The following SCAF1 variants were observed in gnomAD, a reference collection of about 807,000 sequenced individuals.
SCAF1 encodes SR-related CTD associated factor 1.
In SCAF1, 28 loss-of-function variants were observed where a neutral mutation model predicts 91.2. The ratio of observed to expected loss-of-function variants is 0.31; its 90% confidence interval spans 0.23 to 0.42. SCAF1 has a LOEUF of 0.42. Among genes scored for constraint, SCAF1 ranks in the 10% least tolerant of loss-of-function variants. SCAF1 has a pLI of 1.00. For synonymous variants in SCAF1, 1,036 were observed against 833.7 expected (o/e 1.24, Z -4.18); for missense variants, 1,893 against 1,872.1 (o/e 1.01, Z -0.21).
rs1283719149 is a variant in SCAF1, at chr19:49,650,760, C to G, written c.479-108C>G. ...GGCTCCTGTGAAGCACTTGGGGCTT[C>G]CTGGGCAGGACCTGGTGGCCCAGGG... On this transcript the variant is annotated intron_variant, in intron 6 of 10. Coordinates refer to ENST00000360565, the MANE Select transcript of SCAF1 (RefSeq NM_021228.3). 4 of 810,662 alleles carry G rather than the reference C, an allele frequency of 4.9e-6. No homozygotes were observed. In the East Asian group the frequency reaches 1.1e-4, roughly 22 times the overall value. The allele number at this position is 810,662 out of a possible 1,614,324, so 50.2% of individuals were successfully genotyped here. A position where few individuals can be genotyped will look rare whatever the true frequency, so the allele number is the denominator to read the frequency against.
At position 49,645,231 on chromosome 19, in the gene SCAF1, C is replaced by G; in HGVS notation, c.108+97C>G. 6.7e-7 allele frequency: 1 copy of G among 1,491,104 alleles called. No individual in the cohort carries two copies. The highest frequency in any genetic ancestry group is 9.3e-7 in the Non-Finnish European group (1 of 1,072,114). 92.4% of individuals were successfully genotyped at this position (1,491,104 alleles called of 1,614,324 possible). ...GGGCCTGAGGCAGGGGCGCTGGACT[C>G]TTGGCTCCCTTGAAGCACTTGAGTC... On this transcript the variant is annotated intron_variant, in intron 2 of 10. Coordinates refer to ENST00000360565, the MANE Select transcript of SCAF1 (RefSeq NM_021228.3). The surrounding 1 kb of genome is among the most constrained non-coding windows in gnomAD (Gnocchi z 4.6).
chr19:49,645,483 A>G lies in SCAF1; in HGVS notation c.166+72A>G. The stretch of plus-strand genomic sequence containing the variant: ...TCTTTATCCTAATGTCATTCATACA[A>G]GCTTTTCTGAAGCCTCCTGGGTGCC... On this transcript the variant is annotated intron_variant, in intron 3 of 10. Coordinates refer to ENST00000360565, the MANE Select transcript of SCAF1 (RefSeq NM_021228.3). This position sits in a 1 kb window ranked among gnomAD's most constrained non-coding sequence, Gnocchi z 4.6. The G allele has an allele frequency of 1.3e-6, 2 of 1,513,754 alleles. No individual in the cohort carries two copies. Among genetic ancestry groups the G allele is most frequent in the Non-Finnish European group, 1.8e-6 (2 of 1,109,060 alleles). 93.8% of individuals were successfully genotyped at this position (1,513,754 alleles called of 1,614,324 possible). A position where few individuals can be genotyped will look rare whatever the true frequency, so the allele number is the denominator to read the frequency against.
At position 49,642,925 on chromosome 19, in the gene SCAF1, A is replaced by T. The variant is rs1234768364; in HGVS notation, c.-7+683A>T. ...GTCTCCAAGGTATGGGTAGTGTCTAATAATGGGTGACAGGAGGCTGGGGGC... is the reference window on the plus strand; with the variant it reads ...GTCTCCAAGGTATGGGTAGTGTCTATTAATGGGTGACAGGAGGCTGGGGGC... On this transcript the variant is annotated intron_variant, in intron 1 of 10. Coordinates refer to ENST00000360565, the MANE Select transcript of SCAF1 (RefSeq NM_021228.3). This position sits in a 1 kb window ranked among gnomAD's most constrained non-coding sequence, Gnocchi z 4.0. Among the ~76,000 whole-genome samples, 1 of 152,228 alleles carries T rather than the reference A, an allele frequency of 6.6e-6. No homozygotes were observed. Among genetic ancestry groups the T allele is most frequent in the African/African-American group, 2.4e-5 (1 of 41,454 alleles).
chr19:49,651,815 C>T lies in SCAF1; in HGVS notation c.1426C>T (p.Arg476Cys), dbSNP rs1323219707. 12 of 1,257,464 alleles carry T rather than the reference C, an allele frequency of 9.5e-6. No homozygotes were observed. Among genetic ancestry groups the T allele is most frequent in the African/African-American group, 6.5e-5 (4 of 61,606 alleles). The allele number at this position is 1,257,464 out of a possible 1,614,324, so 77.9% of individuals were successfully genotyped here. A position where few individuals can be genotyped will look rare whatever the true frequency, so the allele number is the denominator to read the frequency against. The change falls in exon 7 of 11, where the codon CGC (arginine) becomes TGC (cysteine). Residue 476 changes from arginine (R) to cysteine (C), a missense_variant. Physicochemically the swap from Arg to Cys is radical, Grantham distance 180. Transcript: ENST00000360565. ...TCCCGCGCCGCCCGCCGCCGACTCG[C>T]GCTGGGGCGGCCTGGACCTGCGCCG... ...PAPAPPAADS[R>C]WGGLDLRRKI...
chr19:49,648,581 A>C (rs1243048202), intron 6 of SCAF1, among the ~76,000 whole-genome samples: 1 of 132,378 alleles, frequency 7.6e-6, no homozygotes, highest in Non-Finnish European at 1.6e-5. Flanking sequence ...TTTTTTTTTA[A>C]CAGCTGGAAA....
In SCAF1 at chr19:49,658,351, A is replaced by G. The variant is rs2081160399; in HGVS notation, c.3891A>G (p.Pro1297=). ...PPGPPRPPKE[P]GPPDKGGPGL... ...GGCCCCCACGGCCGCCCAAGGAGCC[A>G]GGGCCCCCAGACAAGGGTGGCCCGG... Residue 1297 remains proline, a synonymous_variant, in exon 11 of 11, where the codon CCA becomes CCG. Coordinates refer to ENST00000360565, the MANE Select transcript of SCAF1 (RefSeq NM_021228.3). 1 of 1,570,054 alleles carries G rather than the reference A, an allele frequency of 6.4e-7. No homozygotes were observed. Among genetic ancestry groups the G allele is most frequent in the African/African-American group, 1.4e-5 (1 of 73,788 alleles).
chr19:49,644,642 A>G (rs1328230978), intron 1 of SCAF1, among the ~76,000 whole-genome samples: 3 of 152,232 alleles, frequency 2.0e-5, no homozygotes, highest in African/African-American at 2.4e-5. Flanking sequence ...TGCAGCACAC[A>G]CAAAAAACCT....
chr19:49,650,554 C>G (rs1032397948), intron 6 of SCAF1, among the ~76,000 whole-genome samples: 2 of 152,118 alleles, frequency 1.3e-5, no homozygotes, highest in African/African-American at 2.4e-5. Context: ...AGGGTCAGGC[C>G]AGTGCTGTCT....
At chr19:49,656,852 T>C (rs2081142516) in intron 9 of SCAF1, among the ~76,000 whole-genome samples, 1 of 152,194 alleles carries the variant, frequency 6.6e-6, no homozygotes, top group African/African-American at 2.4e-5. Context: ...TGTCCCCGTT[T>C]TACAAATGAG....
At chr19:49,648,200 C>T (rs760036394) in intron 6 of SCAF1, among the ~76,000 whole-genome samples, 2 of 152,044 alleles carry the variant, frequency 1.3e-5, no homozygotes, top group South Asian at 2.1e-4. Context: ...CTCCGTCTCC[C>T]GGGTTCAAGT....
Position 49,651,242 on chromosome 19 carries a change from G to A in SCAF1, c.853G>A (p.Glu285Lys). Residue 285 changes from glutamate (E) to lysine (K), a missense_variant, in exon 7 of 11, where the codon GAG becomes AAG. Coordinates refer to ENST00000360565, the MANE Select transcript of SCAF1 (RefSeq NM_021228.3). ...AGAAGAAGAGGAAGAGGAAGACGAG[G>A]AGGAGGAGGAAGGCCTGTCCCAGAG... ...EEEEEEEEDE[E>K]EEEGLSQSIS... The A allele has an allele frequency of 1.2e-6, 2 of 1,612,848 alleles. No homozygotes were observed. The highest frequency in any genetic ancestry group is 1.7e-6 in the Non-Finnish European group (2 of 1,179,852).
chr19:49,643,947 G>A (rs1181142645), intron 1 of SCAF1, among the ~76,000 whole-genome samples: 1 of 152,140 alleles, frequency 6.6e-6, no homozygotes, highest in Non-Finnish European at 1.5e-5. Flanking sequence ...CATGCTGTGG[G>A]GGAAGCGAGG....
chr19:49,641,033 G>A (rs2081023600), upstream of SCAF1, among the ~76,000 whole-genome samples: 1 of 152,052 alleles, frequency 6.6e-6, no homozygotes, highest in Non-Finnish European at 1.5e-5. Context: ...CCGGGGGCCT[G>A]GACTCTTAGG....
At position 49,651,521 on chromosome 19, in the gene SCAF1, G is replaced by A; in HGVS notation, c.1132G>A (p.Ala378Thr). The A allele has an allele frequency of 2.6e-6, 4 of 1,566,696 alleles. No individual in the cohort carries two copies. The highest frequency in any genetic ancestry group is 1.4e-5 in the African/African-American group (1 of 74,018). ...GGAGGTGGTGACCGCTGGTGGAGCCGCCCTCCCGCCGCCCCTGCTGCCGCC... is the reference window on the plus strand; with the variant it reads ...GGAGGTGGTGACCGCTGGTGGAGCCACCCTCCCGCCGCCCCTGCTGCCGCC... ...SVEVVTAGGAALPPPLLPPGD... is the reference protein window; with the variant it reads ...SVEVVTAGGATLPPPLLPPGD... The change falls in exon 7 of 11, where the codon GCC (alanine) becomes ACC (threonine). Residue 378 changes from alanine (A) to threonine (T), a missense_variant. By Grantham distance (58) the Ala-to-Thr change is moderately conservative (BLOSUM62 0). Transcript: ENST00000360565.
Position 49,653,827 on chromosome 19 carries a change from G to A in SCAF1, c.3316+122G>A, listed in dbSNP as rs1421850049. ...AGAGGTTTATAGGGACATAGACTGG[G>A]AGGGTGGGGGTGAGTAAAGGCCAGC... is the stretch of plus-strand genomic sequence containing the variant. On this transcript the variant is annotated intron_variant, in intron 7 of 10. Coordinates refer to ENST00000360565, the MANE Select transcript of SCAF1 (RefSeq NM_021228.3). 4.0e-6 allele frequency: 4 copies of A among 991,626 alleles called. No individual in the cohort carries two copies. The East Asian group carries it at 1.2e-4, about 29-fold the overall frequency. The allele number at this position is 991,626 out of a possible 1,614,324, so 61.4% of individuals were successfully genotyped here.
intron 6 of SCAF1, 80 bp from the exon 7 acceptor site, chr19:49,650,788 T>G: frequency 8.9e-7 from 1 of 1,126,362 alleles, no homozygotes; most frequent in Non-Finnish European, 1.3e-6. Flanking sequence ...GCCCAGGGAG[T>G]GTCCACGGCT....
intron 6 of SCAF1, among the ~76,000 whole-genome samples, chr19:49,648,832 A>G (rs1000194092): frequency 6.6e-6 from 1 of 151,996 alleles, no homozygotes; most frequent in Admixed American, 6.6e-5. Flanking sequence ...TTAGCTGGGC[A>G]TGGTGGCACA....
chr19:49,652,105 C>T lies in SCAF1; in HGVS notation c.1716C>T (p.Arg572=), dbSNP rs769379163. 4.7e-6 allele frequency: 2 copies of T among 421,464 alleles called. No homozygotes were observed. Among genetic ancestry groups the T allele is most frequent in the Non-Finnish European group, 5.4e-6 (2 of 369,450 alleles). The allele number at this position is 421,464 out of a possible 1,614,324, so 26.1% of individuals were successfully genotyped here. The change falls in exon 7 of 11, where the codon CGC becomes CGT. Residue 572 remains arginine (R), a synonymous_variant. Coordinates refer to ENST00000360565, the MANE Select transcript of SCAF1 (RefSeq NM_021228.3). The stretch of plus-strand genomic sequence containing the variant: ...CCCACGCCTCGTCGTCCGCCCGCCG[C>T]CGCTCCCGCTCCCGCTCCCGCTCCC... ...PGSHASSSAR[R]RSRSRSRSRS...
chr19:49,643,916 C>G (rs1568439680), intron 1 of SCAF1, among the ~76,000 whole-genome samples: 1 of 152,046 alleles, frequency 6.6e-6, no homozygotes. Context: ...TAGAACAGGA[C>G]CAGGGCCTTG....
Sources: gnomAD v4.1 joint callset for allele counts (sites outside exome capture counted in the v4.1 genomes callset) on GRCh38, gnomAD v4.1.1 for gene constraint, Gnocchi (gnomAD v3.1) non-coding constraint, MANE v1.5 for transcripts, NCBI Gene and HGNC (gene_info 2026-07-23, HGNC 2026-07-21) for gene names.